Variants in XKR3 observed in about 807,000 individuals in gnomAD.
XKR3 encodes XK related 3.
XKR3 carries 27 observed loss-of-function variants against 40.3 expected under a neutral mutation model. That is an observed-to-expected ratio of 0.67 (90% confidence interval 0.49 to 0.92). XKR3 has a LOEUF of 0.92. XKR3 is among the 40% of genes least tolerant of loss of function. XKR3 has a pLI of 0.00. For synonymous variants in XKR3, 193 were observed against 195.4 expected (o/e 0.99, Z 0.10); for missense variants, 472 against 537.6 (o/e 0.88, Z 1.21).
At position 16,800,146 on chromosome 22, in the gene XKR3, T is replaced by C. The variant is rs1364760970; in HGVS notation, c.336-122A>G. Reference sequence around the variant, plus strand: ...AATTATACTATCAAATGGCAAATATTAACTTAATCACACTGGATAAAAAAT... The same window carrying C: ...AATTATACTATCAAATGGCAAATATCAACTTAATCACACTGGATAAAAAAT... On this transcript the variant is annotated intron_variant, in intron 2 of 3. Transcript: ENST00000684488. 3 of 1,104,188 alleles carry C rather than the reference T, an allele frequency of 2.7e-6. No individual in the cohort carries two copies. In the African/African-American group the frequency reaches 4.8e-5, roughly 18 times the overall value. 68.4% of individuals were successfully genotyped at this position (1,104,188 alleles called of 1,614,324 possible).
intron 3 of XKR3, among the ~76,000 whole-genome samples, chr22:16,793,414 T>C (rs771431904): frequency 6.6e-6 from 1 of 152,242 alleles, no homozygotes; most frequent in Non-Finnish European, 1.5e-5. Flanking sequence ...AAAGGCTGCA[T>C]TTTAAATAAT....
At chr22:16,808,912 T>TA (rs144021058) in intron 1 of XKR3, among the ~76,000 whole-genome samples, 3,776 of 152,312 alleles carry the variant, frequency 0.025, 68 homozygotes, top group South Asian at 0.074. Context: ...TTTTTCTGAC[T>TA]AAAAATGCTG....
At chr22:16,824,677 T>C (rs1490438344) in intron 1 of XKR3, among the ~76,000 whole-genome samples, 2 of 152,098 alleles carry the variant, frequency 1.3e-5, no homozygotes, top group African/African-American at 4.8e-5. Context: ...TATCCCACTC[T>C]CTCCCCAGCA....
chr22:16,811,096 T>C (rs1180717522), intron 1 of XKR3, among the ~76,000 whole-genome samples: 1 of 151,294 alleles, frequency 6.6e-6, no homozygotes. Flanking sequence ...CACTTTGATC[T>C]TTTTTTTCTT....
intron 1 of XKR3, among the ~76,000 whole-genome samples, chr22:16,813,324 C>A (rs1381708135): frequency 6.6e-6 from 1 of 151,604 alleles, no homozygotes; most frequent in Non-Finnish European, 1.5e-5. Context: ...CAAAAAAAAA[C>A]AAGAAGAAGA....
chr22:16,812,674 A>G (rs1343075045), intron 1 of XKR3, among the ~76,000 whole-genome samples: 1 of 151,986 alleles, frequency 6.6e-6, no homozygotes, highest in Non-Finnish European at 1.5e-5. Context: ...GAATCCGTCT[A>G]AAAAATAATA....
At chr22:16,784,774 A>T (rs1430801687) in intron 3 of XKR3, among the ~76,000 whole-genome samples, 1 of 152,248 alleles carries the variant, frequency 6.6e-6, no homozygotes, top group Non-Finnish European at 1.5e-5. Context: ...TTAAAAAAAA[A>T]TACCTGAATT....
At position 16,783,596 on chromosome 22, in the gene XKR3, C is replaced by T; in HGVS notation, c.*23G>A. 6.6e-7 allele frequency: 1 copy of T among 1,507,100 alleles called. No homozygotes were observed. Among genetic ancestry groups the T allele is most frequent in the South Asian group, 1.3e-5 (1 of 74,488 alleles). The allele number at this position is 1,507,100 out of a possible 1,614,324, so 93.4% of individuals were successfully genotyped here. A position where few individuals can be genotyped will look rare whatever the true frequency, so the allele number is the denominator to read the frequency against. On this transcript the variant is annotated 3_prime_UTR_variant, in exon 4 of 4. Transcript: ENST00000684488. ...ACATTCAGCATCTTTACTCATTGTT[C>T]TGTGAAAGTATATATGTATATTTTA...
At chr22:16,811,352 C>G (rs148945254) in intron 1 of XKR3, among the ~76,000 whole-genome samples, 54 of 152,242 alleles carry the variant, frequency 3.5e-4, no homozygotes, top group African/African-American at 1.3e-3. Context: ...TCTCGAACTC[C>G]TGAGCTCAGG....
chr22:16,799,041 T>G (rs1601843799), intron 3 of XKR3, among the ~76,000 whole-genome samples: 3 of 152,184 alleles, frequency 2.0e-5, no homozygotes, highest in Non-Finnish European at 1.5e-5. Context: ...TATACAGAAC[T>G]ATTTGCCTGG....
rs563828930 is a variant in XKR3 at position 16,820,687 on chromosome 22, A to G, written c.-11+4604T>C. On this transcript the variant is annotated intron_variant, in intron 1 of 3. Coordinates refer to ENST00000684488, the MANE Select transcript of XKR3 (RefSeq NM_001386955.1). ...AATACAGAGACCATTCTTTCATTCAATCACTTACTATGCTTACTTAACAAA... is the reference window on the plus strand; with the variant it reads ...AATACAGAGACCATTCTTTCATTCAGTCACTTACTATGCTTACTTAACAAA... Among the ~76,000 whole-genome samples, 10 of 151,490 alleles carry G rather than the reference A, an allele frequency of 6.6e-5. No individual in the cohort carries two copies. The East Asian group carries it at 2.0e-3, about 30-fold the overall frequency.
chr22:16,786,007 C>G (rs2060088855), intron 3 of XKR3, among the ~76,000 whole-genome samples: 1 of 152,078 alleles, frequency 6.6e-6, no homozygotes, highest in African/African-American at 2.4e-5. Flanking sequence ...ATTAACACTC[C>G]ATTTATTCCT....
intron 2 of XKR3, among the ~76,000 whole-genome samples, chr22:16,805,964 G>C (rs2060187680): frequency 6.6e-6 from 1 of 152,156 alleles, no homozygotes; most frequent in Non-Finnish European, 1.5e-5. Flanking sequence ...GGAGCTAAGG[G>C]TGAGGAAGTA....
At chr22:16,787,011 C>A (rs1267734763) in intron 3 of XKR3, among the ~76,000 whole-genome samples, 9 of 151,814 alleles carry the variant, frequency 5.9e-5, no homozygotes, top group African/African-American at 2.2e-4. Flanking sequence ...AAAACACAAA[C>A]AATTCAGAAA....
chr22:16,795,974 AAG>A (rs2146150912), intron 3 of XKR3, among the ~76,000 whole-genome samples: 1 of 144,554 alleles, frequency 6.9e-6, no homozygotes, highest in Non-Finnish European at 1.6e-5. Context: ...CTCAAAAAAA[AAG>A]GGACCAGAAA....
At chr22:16,788,528 G>A (rs2060100703) in intron 3 of XKR3, among the ~76,000 whole-genome samples, 1 of 152,028 alleles carries the variant, frequency 6.6e-6, no homozygotes, top group East Asian at 1.9e-4. Context: ...GGACCTGATA[G>A]ATTAACTGCT....
intron 1 of XKR3, 57 bp from the exon 2 acceptor site, chr22:16,808,140 A>C: frequency 7.9e-7 from 1 of 1,262,402 alleles, no homozygotes; most frequent in Non-Finnish European, 1.1e-6. Flanking sequence ...ATTAAATTTA[A>C]ACAGAAGTAA....
chr22:16,818,858 T>G (rs2060244400), intron 1 of XKR3, among the ~76,000 whole-genome samples: 1 of 152,138 alleles, frequency 6.6e-6, no homozygotes, highest in Non-Finnish European at 1.5e-5. Context: ...CTGTGCTTCT[T>G]GACTGCTCTT....
chr22:16,820,420 G>A (rs2060250617), intron 1 of XKR3, among the ~76,000 whole-genome samples: 5 of 152,234 alleles, frequency 3.3e-5, no homozygotes, highest in Admixed American at 2.0e-4. Flanking sequence ...TGCAACACAG[G>A]GAGATGGAAA....
Sources: allele counts gnomAD v4.1 joint callset (sites outside exome capture counted in the v4.1 genomes callset), GRCh38; gene constraint gnomAD v4.1.1; transcripts MANE v1.5; gene names NCBI Gene and HGNC (gene_info 2026-07-23, HGNC 2026-07-21).